Variants in CCDC178 observed in about 807,000 individuals in gnomAD.
The protein encoded by CCDC178 is coiled-coil domain-containing protein 178.
Under a neutral mutation model 117.4 loss-of-function variants are expected in CCDC178, and 126 were observed. The ratio of observed to expected loss-of-function variants is 1.07; its 90% CI spans 0.93 to 1.24. The LOEUF (loss-of-function observed/expected upper bound fraction) is 1.24. Ranked by LOEUF, CCDC178 falls within the 50% of genes most tolerant of loss-of-function variation. The pLI is 0.00. For synonymous variants in CCDC178, 283 were observed against 313.4 expected, an observed-to-expected ratio of 0.90 and a Z score of 1.02; for missense variants, 1,030 against 986.9, an observed-to-expected ratio of 1.04 and a Z score of -0.59.
intron 20 of CCDC178, among the ~76,000 whole-genome samples, chr18:33,122,056 C>G (rs2057943993): frequency 6.6e-6 from 1 of 152,102 alleles, no homozygotes; most frequent in Non-Finnish European, 1.5e-5. Flanking sequence ...ACTTACTCTA[C>G]TATGTTGACA....
At chr18:33,078,614 A>G (rs1369154657) in intron 21 of CCDC178, among the ~76,000 whole-genome samples, 2 of 152,224 alleles carry the variant, frequency 1.3e-5, no homozygotes, top group African/African-American at 4.8e-5. Flanking sequence ...TACAAAAATC[A>G]GTGGAATTCT....
intron 15 of CCDC178, among the ~76,000 whole-genome samples, chr18:33,237,571 C>T (rs68190773): frequency 0.062 from 9,414 of 151,394 alleles, 471 homozygotes; most frequent in African/African-American, 0.14. Flanking sequence ...GGCTGAAATG[C>T]CCCCCATACC....
intron 21 of CCDC178, among the ~76,000 whole-genome samples, chr18:33,064,352 A>T (rs1011414959): frequency 2.6e-5 from 4 of 152,226 alleles, no homozygotes; most frequent in African/African-American, 7.2e-5. Context: ...CAGATATCGT[A>T]AAAAGAACCA....
At position 33,018,648 on chromosome 18, in the gene CCDC178, T is replaced by C. The variant is rs564016969; in HGVS notation, c.2389-43967A>G. Reference sequence around the variant, plus strand: ...GAAGCCAGTGACGAAAGGCTATATCTACATACACTATGATTCCATTTATAT... The same window carrying C: ...GAAGCCAGTGACGAAAGGCTATATCCACATACACTATGATTCCATTTATAT... On this transcript the variant is annotated intron_variant, in intron 21 of 22. Coordinates refer to ENST00000383096, the MANE Select transcript of CCDC178 (RefSeq NM_001105528.4). Among the ~76,000 whole-genome samples, 12 of 152,264 alleles carry C rather than the reference T, an allele frequency of 7.9e-5. No homozygotes were observed. In the South Asian group the frequency reaches 2.5e-3, roughly 32 times the overall value.
intron 12 of CCDC178, among the ~76,000 whole-genome samples, chr18:33,278,092 C>T (rs1186849553): frequency 6.6e-6 from 1 of 151,826 alleles, no homozygotes; most frequent in African/African-American, 2.4e-5. Context: ...TCTCTAATGT[C>T]CAAAATCTCA....
At chr18:33,042,099 G>C (rs1473028829) in intron 21 of CCDC178, among the ~76,000 whole-genome samples, 1 of 151,898 alleles carries the variant, frequency 6.6e-6, no homozygotes, top group Non-Finnish European at 1.5e-5. Context: ...AAAGCAATTA[G>C]TTGAAAGGAT....
chr18:32,944,228 G>A (rs2054297896), intron 22 of CCDC178, among the ~76,000 whole-genome samples: 1 of 152,148 alleles, frequency 6.6e-6, no homozygotes, highest in Non-Finnish European at 1.5e-5. Flanking sequence ...ACTTCTGGCT[G>A]GAAGTTTAGG....
At chr18:33,228,269 A>C (rs112369253) in intron 15 of CCDC178, among the ~76,000 whole-genome samples, 1 of 152,290 alleles carries the variant, frequency 6.6e-6, no homozygotes, top group African/African-American at 2.4e-5. Flanking sequence ...ATATGGATTG[A>C]TTCATTTGTG....
chr18:33,339,278 T>C (rs546900773), intron 9 of CCDC178, among the ~76,000 whole-genome samples: 101 of 151,998 alleles, frequency 6.6e-4, no homozygotes, highest in African/African-American at 2.1e-3. Context: ...AGCTGAAACA[T>C]AGTAATCAAT....
At position 33,397,290 on chromosome 18, in the gene CCDC178, C is replaced by T. The variant is rs976345337; in HGVS notation, c.59-82G>A. ...GCCCTATATTGCACTAGTAAGGATA[C>T]GGGAAGAAAATCAGCATCAGAATAA... On this transcript the variant is annotated intron_variant, in intron 3 of 22. Transcript: ENST00000383096. 6.6e-6 allele frequency: 6 copies of T among 905,828 alleles called. No homozygotes were observed. The African/African-American group carries it at 1.0e-4, about 15-fold the overall frequency. 56.1% of individuals were successfully genotyped at this position (905,828 alleles called of 1,614,324 possible). A position where few individuals can be genotyped will look rare whatever the true frequency, so the allele number is the denominator to read the frequency against.
intron 9 of CCDC178, among the ~76,000 whole-genome samples, chr18:33,338,663 G>T (rs565609562): frequency 6.6e-6 from 1 of 152,008 alleles, no homozygotes; most frequent in East Asian, 1.9e-4. Flanking sequence ...ACCAAATATC[G>T]TATGTTCTCA....
At chr18:33,165,134 A>G (rs182387179) in intron 20 of CCDC178, among the ~76,000 whole-genome samples, 387 of 152,312 alleles carry the variant, frequency 2.5e-3, no homozygotes, top group Middle Eastern at 0.02. Flanking sequence ...GAATCTGCAG[A>G]TGTGAAAGTT....
intron 2 of CCDC178, among the ~76,000 whole-genome samples, chr18:33,420,253 A>C (rs1443624007): frequency 1.3e-5 from 2 of 152,172 alleles, no homozygotes; most frequent in Non-Finnish European, 2.9e-5. Flanking sequence ...GACACAAAGA[A>C]GGGAACAACA....
chr18:33,420,279 T>C (rs1418772823), intron 2 of CCDC178, among the ~76,000 whole-genome samples: 1 of 152,146 alleles, frequency 6.6e-6, no homozygotes, highest in Non-Finnish European at 1.5e-5. Context: ...TGGACCCTAC[T>C]TGAGGGTGGG....
At chr18:33,323,162 A>G (rs1968834185) in intron 11 of CCDC178, 2 of 159,704 alleles carry the variant, frequency 1.3e-5, no homozygotes, top group African/African-American at 4.8e-5. Flanking sequence ...ATCATATCCC[A>G]TGCTGGATTT....
At chr18:32,984,981 G>C (rs2055232470) in intron 21 of CCDC178, among the ~76,000 whole-genome samples, 2 of 151,872 alleles carry the variant, frequency 1.3e-5, no homozygotes, top group Non-Finnish European at 2.9e-5. Flanking sequence ...AATTTTCTCT[G>C]ATGATTATCC....
chr18:33,278,841 C>A (rs180832439), intron 12 of CCDC178, among the ~76,000 whole-genome samples: 2 of 152,108 alleles, frequency 1.3e-5, no homozygotes, highest in Admixed American at 6.5e-5. Flanking sequence ...ATAAACAGAA[C>A]CAAAGACAAA....
chr18:33,142,505 C>T (rs2058219135), intron 20 of CCDC178, among the ~76,000 whole-genome samples: 1 of 152,198 alleles, frequency 6.6e-6, no homozygotes, highest in Non-Finnish European at 1.5e-5. Context: ...TGGAAAGTAG[C>T]AGTCTAGAGT....
intron 7 of CCDC178, among the ~76,000 whole-genome samples, chr18:33,351,343 C>T (rs1341365238): frequency 6.6e-6 from 1 of 152,044 alleles, no homozygotes; most frequent in Non-Finnish European, 1.5e-5. Context: ...CAGGCGCCCG[C>T]CATCACACCC....
Sources: gnomAD v4.1 joint callset for allele counts (sites outside exome capture counted in the v4.1 genomes callset) on GRCh38, gnomAD v4.1.1 for gene constraint, MANE v1.5 for transcripts, NCBI Gene and HGNC (gene_info 2026-07-23, HGNC 2026-07-21) for gene names.